The following NOL8 variants were observed in gnomAD, a reference collection of about 807,000 sequenced individuals.
NOL8 encodes the protein nucleolar protein Nop132.
Under a neutral mutation model 116.1 loss-of-function variants are expected in NOL8, and 93 were observed. That is an observed-to-expected ratio of 0.80 (90% CI 0.68 to 0.95). The LOEUF (loss-of-function observed/expected upper bound fraction) is 0.95, where lower values mean the gene tolerates loss of function less well. Ranked by LOEUF, NOL8 falls within the 40% of genes least tolerant of loss-of-function variation. The probability of loss-of-function intolerance (pLI) is 0.00; values close to 1 mark genes in which losing one functional copy is unlikely to be tolerated. For missense variants in NOL8, 1,291 were observed against 1,382.8 expected (o/e 0.93, Z 1.05); for synonymous variants, 419 against 469.0 (o/e 0.89, Z 1.38).
In NOL8 at chr9:92,319,273, C is replaced by A. The variant is rs1226649454; in HGVS notation, c.365G>T (p.Gly122Val). 1 of 1,593,996 alleles carries A rather than the reference C, an allele frequency of 6.3e-7. No homozygotes were observed. Among genetic ancestry groups the A allele is most frequent in the African/African-American group, 1.4e-5 (1 of 72,566 alleles). ...GNANLLEKTG[G>V]VDFHMKAVPG... ...CACAGCTTTCATATGGAAATCCACT[C>A]CTCCTGTCTTTTCTAACAAGTTGGC... The change falls in exon 5 of 17, where the codon GGA becomes GTA. Residue 122 changes from glycine (G) to valine (V), a missense_variant. Transcript: ENST00000442668.
At chr9:92,312,993 A>T (rs1838986016) in intron 7 of NOL8, among the ~76,000 whole-genome samples, 2 of 150,052 alleles carry the variant, frequency 1.3e-5, no homozygotes, top group Non-Finnish European at 3.0e-5. Context: ...AAGAAAAAAA[A>T]AAGCATTGTC....
chr9:92,300,091 TTAC>T lies in NOL8; in HGVS notation c.3176-78_3176-76del, dbSNP rs1837605002. ...AGTATTTCTGAACACATTCATTTGA[TTAC>T]TTTTACCACGTAGACATATCTAAAG... On this transcript the variant is annotated intron_variant, in intron 13 of 16. Coordinates refer to ENST00000442668, the MANE Select transcript of NOL8 (RefSeq NM_017948.6). 9 of 1,534,754 alleles carry T rather than the reference TTAC, an allele frequency of 5.9e-6. No individual in the cohort carries two copies. The East Asian group carries it at 2.1e-4, about 36-fold the overall frequency.
At chr9:92,320,345 G>C in intron 4 of NOL8, 1 of 366,390 alleles carries the variant, frequency 2.7e-6, no homozygotes. Context: ...CTCAGCATGG[G>C]GCTCTAGTGC....
intron 12 of NOL8, among the ~76,000 whole-genome samples, chr9:92,305,235 AAAG>A (rs778047946): frequency 1.3e-5 from 2 of 152,164 alleles, no homozygotes; most frequent in Non-Finnish European, 2.9e-5. Context: ...GAGAGACAGA[AAAG>A]AAGAGGCCAT....
chr9:92,323,600 AGCTCTT>A, intron 2 of NOL8, 97 bp from the exon 3 acceptor site: 2 of 955,048 alleles, frequency 2.1e-6, no homozygotes, highest in Non-Finnish European at 3.0e-6. Flanking sequence ...AAAAAAAAAT[AGCTCTT>A]GAAAACTTAT....
In NOL8 at chr9:92,297,892, A is replaced by G. The variant is rs541759155; in HGVS notation, c.3454-6T>C. 2.7e-4 allele frequency: 370 copies of G among 1,383,016 alleles called. No individual in the cohort carries two copies. Among genetic ancestry groups the G allele is most frequent in the East Asian group, 2.4e-3 (88 of 36,740 alleles). 85.7% of individuals were successfully genotyped at this position (1,383,016 alleles called of 1,614,324 possible). A position where few individuals can be genotyped will look rare whatever the true frequency, so the allele number is the denominator to read the frequency against. ...TTATGTTTCTTTCGACAATCCTAGG[A>G]AAAAAAAAAGACTTGGTTAGCAATA... On this transcript the variant is annotated splice_region_variant and splice_polypyrimidine_tract_variant and intron_variant, in intron 16 of 16. Transcript: ENST00000442668.
intron 13 of NOL8, chr9:92,300,387 T>C: frequency 1.0e-6 from 1 of 989,466 alleles, no homozygotes; most frequent in Non-Finnish European, 1.2e-6. Flanking sequence ...GGAAATCAGG[T>C]TTCCCTCTTG....
chr9:92,311,094 G>T, intron 8 of NOL8, 52 bp downstream of exon 8: 1 of 1,381,700 alleles, frequency 7.2e-7, no homozygotes, highest in Non-Finnish European at 1.0e-6. Context: ...TGTTTGTGGT[G>T]TGGATCTGCA....
chr9:92,305,544 A>G (rs1029622311), intron 12 of NOL8, among the ~76,000 whole-genome samples: 4 of 152,204 alleles, frequency 2.6e-5, no homozygotes, highest in Non-Finnish European at 5.9e-5. Flanking sequence ...ATAGGAGTAC[A>G]TATCATTTAT....
intron 7 of NOL8, among the ~76,000 whole-genome samples, chr9:92,311,723 G>T (rs1217886494): frequency 6.6e-6 from 1 of 152,186 alleles, no homozygotes; most frequent in African/African-American, 2.4e-5. Flanking sequence ...AGGTTGCAGA[G>T]AAAGGGAAAT....
At chr9:92,317,010 C>T (rs190318893) in intron 6 of NOL8, among the ~76,000 whole-genome samples, 2 of 152,252 alleles carry the variant, frequency 1.3e-5, no homozygotes, top group South Asian at 2.1e-4. Context: ...TGGAGTGCCA[C>T]GGCATGATCG....
intron 8 of NOL8, 199 bp from the exon 9 acceptor site, chr9:92,310,874 G>A: frequency 1.7e-6 from 1 of 602,538 alleles, no homozygotes; most frequent in Non-Finnish European, 2.9e-6. Context: ...AGGCTCTCCA[G>A]TGAAGCCTGG....
chr9:92,300,933 CTG>C, intron 13 of NOL8: 1 of 905,694 alleles, frequency 1.1e-6, no homozygotes, highest in South Asian at 4.6e-5. Flanking sequence ...TAGGTATTAC[CTG>C]CTTTTACAGT....
In NOL8 at chr9:92,315,021, C is replaced by A. The variant is rs748110010; in HGVS notation, c.1604G>T (p.Gly535Val). ...CTCCGCAGGACGAATACACTGTCGG[C>A]CTCTGCGGAGGCCAGTGGGAGTCTT... is the stretch of plus-strand genomic sequence containing the variant. Reference protein sequence around the residue: ...SPKTPTGLRRGRQCIRPAEIV... With the variant: ...SPKTPTGLRRVRQCIRPAEIV... Residue 535 changes from glycine to valine, a missense_variant, in exon 7 of 17, where the codon GGC becomes GTC. Physicochemically the swap from Gly to Val is moderately radical, Grantham distance 109. Transcript: ENST00000442668. 6.2e-7 allele frequency: 1 copy of A among 1,614,034 alleles called. No homozygotes were observed. The highest frequency in any genetic ancestry group is 8.5e-7 in the Non-Finnish European group (1 of 1,179,890).
intron 7 of NOL8, among the ~76,000 whole-genome samples, chr9:92,313,740 C>T (rs562346023): frequency 6.6e-6 from 1 of 152,200 alleles, no homozygotes; most frequent in East Asian, 1.9e-4. Flanking sequence ...TTTCCTACCA[C>T]TCAGCTCAGA....
intron 12 of NOL8, among the ~76,000 whole-genome samples, chr9:92,303,903 A>G (rs920706180): frequency 3.3e-5 from 5 of 152,222 alleles, no homozygotes; most frequent in African/African-American, 9.6e-5. Flanking sequence ...GTAGAAGCCC[A>G]GGGTTAAAAA....
rs1265285206 is a variant in NOL8, at chr9:92,314,469, G to A, written c.2156C>T (p.Ser719Phe). The A allele has an allele frequency of 1.9e-6, 3 of 1,612,688 alleles. No homozygotes were observed. Among genetic ancestry groups the A allele is most frequent in the South Asian group, 2.2e-5 (2 of 91,044 alleles). The change falls in exon 7 of 17, where the codon TCT (serine) becomes TTT (phenylalanine). Residue 719 changes from serine (S) to phenylalanine (F), a missense_variant. Physicochemically the swap from Ser to Phe is radical, Grantham distance 155 (BLOSUM62 -2). Coordinates refer to ENST00000442668, the MANE Select transcript of NOL8 (RefSeq NM_017948.6). Reference protein sequence around the residue: ...EERSDSSGLTSLKKSPKVSSK... With the variant: ...EERSDSSGLTFLKKSPKVSSK... ...TGAGACCTTTGGTGATTTCTTGAGA[G>A]ATGTGAGGCCGCTTGAATCAGACCG...
At chr9:92,313,571 A>C (rs1187638807) in intron 7 of NOL8, among the ~76,000 whole-genome samples, 3 of 152,142 alleles carry the variant, frequency 2.0e-5, no homozygotes, top group African/African-American at 7.2e-5. Flanking sequence ...ACAAAATGAA[A>C]CCACTAGCCT....
intron 3 of NOL8, chr9:92,322,793 T>C (rs573489481): frequency 6.6e-6 from 1 of 152,398 alleles, no homozygotes; most frequent in African/African-American, 2.4e-5. Flanking sequence ...ATCACATATA[T>C]TCCTCAATGT....
Sources: gnomAD v4.1 joint callset for allele counts (sites outside exome capture counted in the v4.1 genomes callset) on GRCh38, gnomAD v4.1.1 for gene constraint, MANE v1.5 for transcripts, NCBI Gene and HGNC (gene_info 2026-07-23, HGNC 2026-07-21) for gene names.